The following FAM117A variants were observed in gnomAD, a reference collection of about 807,000 sequenced individuals.
FAM117A encodes the protein protein FAM117A.
Under a neutral mutation model 44.1 loss-of-function variants are expected in FAM117A, and 21 were observed. That is an observed-to-expected ratio of 0.48 (90% confidence interval 0.34 to 0.69). FAM117A has a LOEUF of 0.69. FAM117A is among the 30% of genes least tolerant of loss of function. FAM117A has a pLI of 0.01. For synonymous variants in FAM117A, 220 were observed against 238.3 expected, an observed-to-expected ratio of 0.92 and a Z score of 0.71; for missense variants, 498 against 589.9, an observed-to-expected ratio of 0.84 and a Z score of 1.61.
chr17:49,777,648 G>A (rs1331127205), intron 1 of FAM117A, among the ~76,000 whole-genome samples: 1 of 151,970 alleles, frequency 6.6e-6, no homozygotes, highest in Non-Finnish European at 1.5e-5. Flanking sequence ...TATTTGAAAT[G>A]TCCCTTCTTA....
intron 1 of FAM117A, among the ~76,000 whole-genome samples, chr17:49,757,199 C>T (rs550314851): frequency 6.6e-6 from 1 of 152,048 alleles, no homozygotes; most frequent in Non-Finnish European, 1.5e-5. Context: ...CCTCCACCCC[C>T]CCAGCAACTC....
At chr17:49,744,656 T>C (rs866149512) in intron 1 of FAM117A, among the ~76,000 whole-genome samples, 3 of 151,860 alleles carry the variant, frequency 2.0e-5, no homozygotes, top group Non-Finnish European at 4.4e-5. Context: ...AGATTACTTA[T>C]AATACCTAAT....
Position 49,754,007 on chromosome 17 carries a change from C to CA in FAM117A, c.196+9884dup, listed in dbSNP as rs532920288. 3.0e-3 allele frequency among the ~76,000 whole-genome samples: 461 copies of CA among 152,300 alleles called. 4 individuals carry two copies. The highest frequency in any genetic ancestry group is 0.024 in the Admixed American group (365 of 15,290). ...TCAGCATTAAGATGTGCACACCCCC[C>CA]ATGGATGTGGTTCACATAGCCCTTC... On this transcript the variant is annotated intron_variant, in intron 1 of 7. Transcript: ENST00000240364.
intron 1 of FAM117A, among the ~76,000 whole-genome samples, chr17:49,762,333 T>C (rs1050993938): frequency 6.6e-6 from 1 of 152,208 alleles, no homozygotes; most frequent in South Asian, 2.1e-4. Flanking sequence ...TGTAGTCTTG[T>C]GGTTTGCTTT....
At chr17:49,749,279 G>T (rs1169365970) in intron 1 of FAM117A, among the ~76,000 whole-genome samples, 1 of 151,960 alleles carries the variant, frequency 6.6e-6, no homozygotes, top group Non-Finnish European at 1.5e-5. Flanking sequence ...CCATTTTCAT[G>T]TATTTTAAGA....
intron 3 of FAM117A, among the ~76,000 whole-genome samples, chr17:49,721,444 T>G (rs1004632130): frequency 1.2e-4 from 19 of 152,232 alleles, no homozygotes; most frequent in African/African-American, 4.6e-4. Context: ...ATACCACATC[T>G]CCCCATTCTT....
intron 1 of FAM117A, among the ~76,000 whole-genome samples, chr17:49,783,263 T>C (rs752487203): frequency 3.9e-5 from 6 of 152,164 alleles, no homozygotes; most frequent in Non-Finnish European, 7.3e-5. Flanking sequence ...TGGAAAAGGA[T>C]GTCTTCATCA....
At chr17:49,744,613 C>G (rs1189938037) in intron 1 of FAM117A, among the ~76,000 whole-genome samples, 1 of 151,898 alleles carries the variant, frequency 6.6e-6, no homozygotes, top group Non-Finnish European at 1.5e-5. Flanking sequence ...AGTCACCTTG[C>G]CTGGCCTCCC....
intron 1 of FAM117A, among the ~76,000 whole-genome samples, chr17:49,783,163 T>C (rs1457220647): frequency 6.6e-6 from 1 of 152,230 alleles, no homozygotes; most frequent in Non-Finnish European, 1.5e-5. Flanking sequence ...ATTACCATTG[T>C]GGAACATATG....
At chr17:49,769,441 G>A (rs1343249189) in intron 1 of FAM117A, among the ~76,000 whole-genome samples, 4 of 152,214 alleles carry the variant, frequency 2.6e-5, no homozygotes, top group Admixed American at 2.6e-4. Context: ...GCTCACGCCT[G>A]TAATCCTAAC....
Position 49,728,018 on chromosome 17 carries a change from C to T in FAM117A, c.366+4533G>A, listed in dbSNP as rs143731782. 2.4e-3 allele frequency among the ~76,000 whole-genome samples: 366 copies of T among 152,378 alleles called. 7 individuals carry two copies. Among genetic ancestry groups the T allele is most frequent in the Admixed American group, 0.018 (283 of 15,306 alleles). Reference sequence around the variant, plus strand: ...GGCCGGAAAAGGCTCTGAGGGTGGTCTGCTGGTCAGCACTGAAAACTGGCT... The same window carrying T: ...GGCCGGAAAAGGCTCTGAGGGTGGTTTGCTGGTCAGCACTGAAAACTGGCT... On this transcript the variant is annotated intron_variant, in intron 2 of 7. Coordinates refer to ENST00000240364, the MANE Select transcript of FAM117A (RefSeq NM_030802.4).
chr17:49,757,414 A>G (rs59046563), intron 1 of FAM117A, among the ~76,000 whole-genome samples: 5,691 of 152,276 alleles, frequency 0.037, 359 homozygotes, highest in African/African-American at 0.13. Flanking sequence ...AGGGTCGATC[A>G]AGGCATATGT....
intron 1 of FAM117A, among the ~76,000 whole-genome samples, chr17:49,762,168 C>T (rs538411192): frequency 6.6e-6 from 1 of 152,308 alleles, no homozygotes; most frequent in South Asian, 2.1e-4. Context: ...CTATAATAGA[C>T]ACAAAATAAC....
intron 1 of FAM117A, among the ~76,000 whole-genome samples, chr17:49,753,594 C>A (rs998058739): frequency 5.3e-5 from 8 of 152,096 alleles, no homozygotes; most frequent in African/African-American, 1.9e-4. Context: ...GGCGGTTGGA[C>A]CACCTGAGGT....
intron 1 of FAM117A, among the ~76,000 whole-genome samples, chr17:49,771,994 C>G (rs1382671800): frequency 6.6e-6 from 1 of 152,128 alleles, no homozygotes; most frequent in Non-Finnish European, 1.5e-5. Flanking sequence ...AATCAGGCAA[C>G]AAGTATCATC....
At chr17:49,754,244 G>A (rs558040507) in intron 1 of FAM117A, among the ~76,000 whole-genome samples, 11 of 152,082 alleles carry the variant, frequency 7.2e-5, no homozygotes, top group African/African-American at 2.4e-4. Flanking sequence ...GAGTGCACGT[G>A]TTATCAGGAG....
chr17:49,781,787 G>GGTA (rs1189306025), intron 1 of FAM117A, among the ~76,000 whole-genome samples: 2 of 152,032 alleles, frequency 1.3e-5, no homozygotes, highest in Non-Finnish European at 2.9e-5. Context: ...GACCAGCCTA[G>GGTA]GTAACATAGT....
chr17:49,715,543 G>A (rs1038981476), intron 7 of FAM117A, among the ~76,000 whole-genome samples: 10 of 152,166 alleles, frequency 6.6e-5, no homozygotes, highest in Non-Finnish European at 2.9e-5. Flanking sequence ...GCTAATGGGA[G>A]GAAAGTGTAA....
At chr17:49,785,942 C>A (rs541777246) in intron 1 of FAM117A, among the ~76,000 whole-genome samples, 1 of 152,290 alleles carries the variant, frequency 6.6e-6, no homozygotes, top group African/African-American at 2.4e-5. Flanking sequence ...GGCAACCAGT[C>A]AGAGGCATTG....
Sources: allele counts gnomAD v4.1 joint callset (sites outside exome capture counted in the v4.1 genomes callset), GRCh38; gene constraint gnomAD v4.1.1; transcripts MANE v1.5; gene names NCBI Gene and HGNC (gene_info 2026-07-23, HGNC 2026-07-21).